SOX5: variants seen among roughly 807,000 people sequenced by gnomAD.
The protein encoded by SOX5 is SRY-box transcription factor 5, also known as transcription factor SOX-5.
SOX5 carries 9 observed loss-of-function variants against 92.0 expected under a neutral mutation model. The observed-to-expected ratio is 0.10, with a 90% CI of 0.06 to 0.17. SOX5 has a LOEUF of 0.17. Ranked by LOEUF, SOX5 falls within the 10% of genes least tolerant of loss-of-function variation. The pLI, the probability that SOX5 is intolerant of heterozygous loss-of-function variation, is 1.00. For synonymous variants in SOX5, 344 were observed against 336.3 expected (o/e 1.02, Z -0.25); for missense variants, 642 against 944.5 (o/e 0.68, Z 4.20).
intron 4 of SOX5, among the ~76,000 whole-genome samples, chr12:24,056,104 G>A (rs61910036): frequency 0.014 from 2,148 of 152,222 alleles, 28 homozygotes; most frequent in Non-Finnish European, 0.022. Context: ...CTGAATTCAA[G>A]TACTAGTGTA....
intron 2 of SOX5, among the ~76,000 whole-genome samples, chr12:23,865,803 A>G (rs1462491979): frequency 6.6e-6 from 1 of 152,230 alleles, no homozygotes; most frequent in African/African-American, 2.4e-5. Flanking sequence ...ACAATTAAGA[A>G]CATTCGTGAT....
At chr12:24,084,421 A>G (rs904753419) in intron 4 of SOX5, among the ~76,000 whole-genome samples, 1 of 152,066 alleles carries the variant, frequency 6.6e-6, no homozygotes, top group Non-Finnish European at 1.5e-5. Context: ...AATAGATTTC[A>G]TATCTTGAGT....
chr12:24,349,846 T>C (rs758231538), intron 2 of SOX5, among the ~76,000 whole-genome samples: 5 of 152,204 alleles, frequency 3.3e-5, no homozygotes, highest in Admixed American at 2.0e-4. Context: ...TTTAACTCTT[T>C]GAGGGACTGC....
rs1468185959 is a variant in SOX5 at position 24,086,475 on chromosome 12, A to C, written c.-2+126868T>G. On this transcript the variant is annotated intron_variant, in intron 4 of 4. Coordinates refer to the SOX5 transcript ENST00000446891. ...TGTAAAATTCTATATAGAATTTTGT[A>C]AATAATGAGGGGCAGGGGGAGAGGG... Among the ~76,000 whole-genome samples, 3 of 151,912 alleles carry C rather than the reference A, an allele frequency of 2.0e-5. No homozygotes were observed. The South Asian group carries it at 6.2e-4, about 32-fold the overall frequency.
At chr12:23,677,348 C>T (rs960123582) in intron 6 of SOX5, among the ~76,000 whole-genome samples, 15 of 152,066 alleles carry the variant, frequency 9.9e-5, no homozygotes, top group African/African-American at 3.6e-4. Context: ...AAAAAACAAA[C>T]GTTGATTACT....
At chr12:24,503,058 T>C (rs926843182) in intron 1 of SOX5, among the ~76,000 whole-genome samples, 1 of 152,178 alleles carries the variant, frequency 6.6e-6, no homozygotes, top group African/African-American at 2.4e-5. Context: ...GGATCGTGGA[T>C]CACAAAAATA....
At chr12:24,048,725 A>C (rs766816613) in intron 4 of SOX5, among the ~76,000 whole-genome samples, 4 of 152,238 alleles carry the variant, frequency 2.6e-5, no homozygotes, top group Non-Finnish European at 5.9e-5. Context: ...ACGAAGCTTG[A>C]AAACATTACG....
intron 4 of SOX5, among the ~76,000 whole-genome samples, chr12:24,086,464 T>C (rs1170928056): frequency 1.3e-5 from 2 of 151,794 alleles, no homozygotes; most frequent in South Asian, 2.1e-4. Flanking sequence ...AAATTCTATA[T>C]AGAATTTTGT....
At chr12:24,306,363 G>T (rs1209411803) in intron 2 of SOX5, among the ~76,000 whole-genome samples, 1 of 152,148 alleles carries the variant, frequency 6.6e-6, no homozygotes, top group Non-Finnish European at 1.5e-5. Flanking sequence ...GGACAAATGG[G>T]CAATGGCCCT....
At chr12:24,477,387 GC>G (rs1217618018) in intron 1 of SOX5, among the ~76,000 whole-genome samples, 13 of 151,996 alleles carry the variant, frequency 8.6e-5, no homozygotes, top group African/African-American at 2.9e-4. Flanking sequence ...ACCCACCTCG[GC>G]CTCCCAAAGT....
At chr12:24,494,430 T>A (rs1276894732) in intron 1 of SOX5, among the ~76,000 whole-genome samples, 1 of 152,216 alleles carries the variant, frequency 6.6e-6, no homozygotes, top group Non-Finnish European at 1.5e-5. Flanking sequence ...CCATTTATTA[T>A]CTCATTGTAT....
rs1938526398 is a variant in SOX5 at position 23,529,554 on chromosome 12, G to A, written c.*4665C>T. ...TGGTGCCTTGCATGGCAGTAATACT[G>A]AAAAAGGAGAATGCAAAAAAATAAA... On this transcript the variant is annotated 3_prime_UTR_variant, in exon 15 of 15. Transcript: ENST00000451604. The A allele has an allele frequency of 6.6e-6, 1 of 151,732 alleles. No individual in the cohort carries two copies. 9.4% of individuals were successfully genotyped at this position (151,732 alleles called of 1,614,324 possible).
intron 3 of SOX5, among the ~76,000 whole-genome samples, chr12:23,790,519 CTCT>C (rs2095453464): frequency 1.2e-5 from 1 of 81,088 alleles, no homozygotes; most frequent in African/African-American, 5.0e-5. Context: ...CCTCTCACAA[CTCT>C]CTCTCTCTCT....
chr12:24,400,036 T>G (rs1158824389), intron 1 of SOX5, among the ~76,000 whole-genome samples: 3 of 152,186 alleles, frequency 2.0e-5, no homozygotes, highest in Non-Finnish European at 4.4e-5. Flanking sequence ...CATTAAAAGA[T>G]AAAACATAAA....
intron 4 of SOX5, among the ~76,000 whole-genome samples, chr12:24,015,648 T>C: frequency 6.6e-6 from 1 of 152,116 alleles, no homozygotes; most frequent in Non-Finnish European, 1.5e-5. Flanking sequence ...CCAATGCCAG[T>C]GGGGCTGATA....
At chr12:24,106,804 AATAATAATAATAAT>A (rs1256142099) in intron 4 of SOX5, among the ~76,000 whole-genome samples, 1 of 82,448 alleles carries the variant, frequency 1.2e-5, no homozygotes, top group African/African-American at 3.2e-5. Flanking sequence ...TAATAATAAT[AATAATAATAATAAT>A]AATAATAATA....
intron 1 of SOX5, chr12:23,920,376 C>A (rs1410594132): frequency 6.6e-6 from 1 of 152,162 alleles, no homozygotes; most frequent in African/African-American, 2.4e-5. Context: ...TTAAGACTGC[C>A]TATTACAATC....
chr12:24,486,267 CA>C (rs1365749958), intron 1 of SOX5, among the ~76,000 whole-genome samples: 102 of 152,214 alleles, frequency 6.7e-4, no homozygotes, highest in African/African-American at 2.3e-3. Flanking sequence ...ATGTGAAACT[CA>C]AGGATCTCAA....
intron 4 of SOX5, among the ~76,000 whole-genome samples, chr12:23,753,658 A>C (rs527483082): frequency 6.6e-6 from 1 of 151,956 alleles, no homozygotes; most frequent in Admixed American, 6.6e-5. Context: ...GCCTCAAAAA[A>C]TAACTTCCCA....
Sources: gnomAD v4.1 joint callset for allele counts (sites outside exome capture counted in the v4.1 genomes callset) on GRCh38, gnomAD v4.1.1 for gene constraint, MANE v1.5 for transcripts, NCBI Gene and HGNC (gene_info 2026-07-23, HGNC 2026-07-21) for gene names.